The following ADAMTSL1 variants were observed in gnomAD, a reference collection of about 807,000 sequenced individuals.
The protein encoded by ADAMTSL1 is ADAMTS-like protein 1.
ADAMTSL1 carries 126 observed loss-of-function variants against 201.8 expected under a neutral mutation model. The observed-to-expected ratio is 0.62, with a 90% confidence interval of 0.54 to 0.72. The LOEUF is 0.72. Among genes scored for constraint, ADAMTSL1 ranks in the 30% least tolerant of loss-of-function variants. The pLI, the probability that ADAMTSL1 is intolerant of heterozygous loss-of-function variation, is 0.00. For missense variants in ADAMTSL1, 2,679 were observed against 2,277.8 expected (o/e 1.18, Z -3.59); for synonymous variants, 1,121 against 903.4 (o/e 1.24, Z -4.32).
intron 15 of ADAMTSL1, among the ~76,000 whole-genome samples, chr9:18,749,071 G>A (rs748200502): frequency 2.6e-5 from 4 of 152,074 alleles, no homozygotes; most frequent in Non-Finnish European, 5.9e-5. Context: ...AAACACAGTC[G>A]CATTGAATCA....
chr9:18,729,581 A>G (rs764332734), intron 15 of ADAMTSL1, among the ~76,000 whole-genome samples: 29 of 152,230 alleles, frequency 1.9e-4, no homozygotes, highest in Non-Finnish European at 3.7e-4. Context: ...GTCCATTTAT[A>G]ATGTTACGCT....
intron 2 of ADAMTSL1, among the ~76,000 whole-genome samples, chr9:18,351,032 G>A (rs1835942591): frequency 6.6e-6 from 1 of 152,080 alleles, no homozygotes. Context: ...AATGGGATGA[G>A]ACTTAGCTAT....
intron 3 of ADAMTSL1, among the ~76,000 whole-genome samples, chr9:18,567,527 G>C (rs1821997132): frequency 6.6e-6 from 1 of 152,150 alleles, no homozygotes; most frequent in South Asian, 2.1e-4. Context: ...ATGCTGCAGG[G>C]AGAACAGATT....
At chr9:18,116,217 A>G (rs535325671) in intron 1 of ADAMTSL1, among the ~76,000 whole-genome samples, 1 of 152,274 alleles carries the variant, frequency 6.6e-6, no homozygotes, top group African/African-American at 2.4e-5. Flanking sequence ...TGGACAATTA[A>G]TGGACTACAT....
At chr9:18,378,869 G>A (rs1372858392) in intron 2 of ADAMTSL1, among the ~76,000 whole-genome samples, 1 of 152,150 alleles carries the variant, frequency 6.6e-6, no homozygotes, top group East Asian at 1.9e-4. Context: ...GATCAAGACA[G>A]GGATAGGGAA....
At chr9:18,112,406 C>A (rs1825062812) in intron 1 of ADAMTSL1, among the ~76,000 whole-genome samples, 1 of 151,968 alleles carries the variant, frequency 6.6e-6, no homozygotes, top group South Asian at 2.1e-4. Flanking sequence ...ATGTTCCATA[C>A]AGATTCTCAG....
At chr9:18,078,572 G>C (rs76442386) in intron 1 of ADAMTSL1, among the ~76,000 whole-genome samples, 7 of 152,110 alleles carry the variant, frequency 4.6e-5, no homozygotes, top group Non-Finnish European at 1.0e-4. Flanking sequence ...GATACACTTG[G>C]AAAATAGATA....
intron 1 of ADAMTSL1, among the ~76,000 whole-genome samples, chr9:18,052,969 C>T (rs1277349052): frequency 2.0e-5 from 3 of 152,092 alleles, no homozygotes; most frequent in Non-Finnish European, 4.4e-5. Context: ...GGGTTGTCTT[C>T]AAGTTTCATC....
At chr9:18,409,713 A>C (rs1013452144) in intron 2 of ADAMTSL1, among the ~76,000 whole-genome samples, 4 of 150,674 alleles carry the variant, frequency 2.7e-5, no homozygotes, top group Non-Finnish European at 5.9e-5. Flanking sequence ...CAGCCATAAC[A>C]TGTATGTATG....
chr9:18,273,210 G>T (rs958537974), intron 2 of ADAMTSL1, among the ~76,000 whole-genome samples: 7 of 152,148 alleles, frequency 4.6e-5, no homozygotes, highest in African/African-American at 1.7e-4. Flanking sequence ...CTCCCAAGTA[G>T]CAGGGACTAC....
rs79892859 is a variant in ADAMTSL1 at position 18,075,972 on chromosome 9, C to A, written c.88-87890C>A. On this transcript the variant is annotated intron_variant, in intron 1 of 29. Coordinates refer to the ADAMTSL1 transcript ENST00000680146. ...TAGTGTCAACACAAATAAACACTCA[C>A]CTAAGTAATAGCATCTAAAACTGTT... Among the ~76,000 whole-genome samples the A allele has an allele frequency of 1.8e-3, 267 of 152,310 alleles. 1 individual carries two copies. The highest frequency in any genetic ancestry group is 3.1e-3 in the Non-Finnish European group (214 of 68,024).
At chr9:18,266,815 A>C (rs1374477042) in intron 2 of ADAMTSL1, among the ~76,000 whole-genome samples, 1 of 152,040 alleles carries the variant, frequency 6.6e-6, no homozygotes, top group Non-Finnish European at 1.5e-5. Context: ...TCTTTTAATA[A>C]ATCTTTCTCC....
chr9:18,291,051 G>T (rs1833239690), intron 2 of ADAMTSL1, among the ~76,000 whole-genome samples: 1 of 152,088 alleles, frequency 6.6e-6, no homozygotes, highest in South Asian at 2.1e-4. Flanking sequence ...AAAGTGCTGG[G>T]ATTACAGGCG....
intron 1 of ADAMTSL1, among the ~76,000 whole-genome samples, chr9:17,940,645 T>C (rs1297266267): frequency 6.9e-6 from 1 of 145,886 alleles, no homozygotes; most frequent in South Asian, 2.1e-4. Flanking sequence ...GCATTATAAA[T>C]AACGACTTGT....
chr9:18,827,999 C>A (rs1387360891), intron 22 of ADAMTSL1, among the ~76,000 whole-genome samples: 1 of 152,162 alleles, frequency 6.6e-6, no homozygotes, highest in Admixed American at 6.5e-5. Context: ...TTAAAGGGGG[C>A]ATTTTGTGGA....
At chr9:18,014,245 G>T (rs1014439923) in intron 1 of ADAMTSL1, among the ~76,000 whole-genome samples, 2 of 151,946 alleles carry the variant, frequency 1.3e-5, no homozygotes, top group African/African-American at 4.8e-5. Context: ...TGCTCCACTG[G>T]CAAAATGGAG....
intron 1 of ADAMTSL1, among the ~76,000 whole-genome samples, chr9:17,978,173 T>C (rs992963565): frequency 2.0e-4 from 30 of 152,230 alleles, no homozygotes; most frequent in African/African-American, 7.0e-4. Flanking sequence ...TTTCTTTATG[T>C]TTATCCATGT....
chr9:18,194,143 A>C (rs1421841023), intron 2 of ADAMTSL1, among the ~76,000 whole-genome samples: 1 of 152,150 alleles, frequency 6.6e-6, no homozygotes. Context: ...TAGGAAGAAA[A>C]AAAGAAGAGC....
chr9:18,682,954 C>A (rs2482971), intron 12 of ADAMTSL1, among the ~76,000 whole-genome samples: 2 of 152,050 alleles, frequency 1.3e-5, no homozygotes, highest in East Asian at 1.9e-4. Context: ...AGAGATCATG[C>A]GTAGGTTAAA....
Sources: allele counts gnomAD v4.1 joint callset (sites outside exome capture counted in the v4.1 genomes callset), GRCh38; gene constraint gnomAD v4.1.1; transcripts MANE v1.5; gene names NCBI Gene and HGNC (gene_info 2026-07-23, HGNC 2026-07-21).